The following FAM81A variants were observed in gnomAD, a reference collection of about 807,000 sequenced individuals.
FAM81A encodes the protein family with sequence similarity 81 member A, also known as protein FAM81A.
A neutral mutation model predicts 46.7 loss-of-function variants in FAM81A; 19 were observed. The observed-to-expected ratio is 0.41, with a 90% CI of 0.28 to 0.60. FAM81A has a LOEUF of 0.60. Ranked by LOEUF, FAM81A falls within the 20% of genes least tolerant of loss-of-function variation. The probability of loss-of-function intolerance (pLI) is 0.34; values close to 1 mark genes in which losing one functional copy is unlikely to be tolerated. For missense variants in FAM81A, 377 were observed against 453.5 expected (o/e 0.83, Z 1.53); for synonymous variants, 183 against 152.9 (o/e 1.20, Z -1.45).
chr15:59,412,775 G>A (rs1004253235), intron 2 of FAM81A, among the ~76,000 whole-genome samples: 1 of 151,692 alleles, frequency 6.6e-6, no homozygotes, highest in East Asian at 1.9e-4. Context: ...TGTCTCTGCT[G>A]CCATCTGCTG....
chr15:59,424,888 G>T (rs4533211), intron 2 of FAM81A, among the ~76,000 whole-genome samples: 31,257 of 151,870 alleles, frequency 0.21, 4,253 homozygotes, highest in East Asian at 0.42. Flanking sequence ...CTCGTAATTC[G>T]TTCTCAAAAC....
chr15:59,458,774 C>A (rs2081514665), intron 2 of FAM81A, 128 bp downstream of exon 2: 1 of 837,528 alleles, frequency 1.2e-6, no homozygotes, highest in Non-Finnish European at 2.0e-6. Context: ...CTATTGTGTC[C>A]TCTAGCTTTC....
intron 1 of FAM81A, 76 bp from the exon 2 acceptor site, chr15:59,458,474 C>G (rs1419709538): frequency 2.1e-6 from 2 of 947,494 alleles, no homozygotes; most frequent in African/African-American, 1.7e-5. Context: ...ATCCACTTAG[C>G]AACTTAATAA....
At chr15:59,422,833 A>G (rs1450355257) in intron 2 of FAM81A, among the ~76,000 whole-genome samples, 1 of 152,218 alleles carries the variant, frequency 6.6e-6, no homozygotes, top group Non-Finnish European at 1.5e-5. Context: ...CATGAAAGTA[A>G]AGTTAAAGAT....
At chr15:59,447,099 C>G (rs1215132950) in intron 1 of FAM81A, among the ~76,000 whole-genome samples, 1 of 152,182 alleles carries the variant, frequency 6.6e-6, no homozygotes, top group African/African-American at 2.4e-5. Context: ...CCCAGTGCCA[C>G]TATTTACATT....
chr15:59,489,298 C>CATACATAT (rs1555432337), intron 3 of FAM81A, among the ~76,000 whole-genome samples: 23 of 150,588 alleles, frequency 1.5e-4, no homozygotes, highest in African/African-American at 4.9e-4. Context: ...TACATACATA[C>CATACATAT]ATACATACAT....
chr15:59,447,339 G>A (rs548903516), intron 1 of FAM81A, among the ~76,000 whole-genome samples: 46 of 152,246 alleles, frequency 3.0e-4, no homozygotes, highest in African/African-American at 1.1e-3. Context: ...GTAAGACCTC[G>A]ATGACTTACC....
At chr15:59,425,606 C>A (rs979300766) in intron 2 of FAM81A, among the ~76,000 whole-genome samples, 1 of 151,938 alleles carries the variant, frequency 6.6e-6, no homozygotes, top group African/African-American at 2.4e-5. Context: ...ATAGGCTTTG[C>A]CTTGGCTATT....
At chr15:59,436,845 C>G (rs1200565393), upstream of FAM81A, among the ~76,000 whole-genome samples, 1 of 152,324 alleles carries the variant, frequency 6.6e-6, no homozygotes, top group East Asian at 1.9e-4. Context: ...GGCCATTACT[C>G]TCCTGGTCAC....
chr15:59,404,838 C>G (rs920548461), intron 2 of FAM81A, among the ~76,000 whole-genome samples: 5 of 152,232 alleles, frequency 3.3e-5, no homozygotes, highest in African/African-American at 1.2e-4. Flanking sequence ...GGCTTTTCAA[C>G]ACATCTGAAA....
At chr15:59,501,743 A>C (rs1221753469) in intron 4 of FAM81A, among the ~76,000 whole-genome samples, 1 of 152,194 alleles carries the variant, frequency 6.6e-6, no homozygotes, top group Non-Finnish European at 1.5e-5. Flanking sequence ...TCTGGGAGGT[A>C]ACAGCTGTCT....
intron 1 of FAM81A, among the ~76,000 whole-genome samples, chr15:59,447,326 C>G (rs1281988281): frequency 1.3e-5 from 2 of 152,114 alleles, no homozygotes; most frequent in East Asian, 3.8e-4. Context: ...TCTTAGAGAC[C>G]GTGTAAGACC....
chr15:59,475,751 A>T (rs1353553591), intron 3 of FAM81A, among the ~76,000 whole-genome samples: 1 of 152,220 alleles, frequency 6.6e-6, no homozygotes, highest in African/African-American at 2.4e-5. Flanking sequence ...AACAACAAGG[A>T]AGTTTAAAAA....
At chr15:59,487,021 A>C (rs1348665917) in intron 3 of FAM81A, among the ~76,000 whole-genome samples, 1 of 151,864 alleles carries the variant, frequency 6.6e-6, no homozygotes, top group Non-Finnish European at 1.5e-5. Flanking sequence ...TATGTAAACT[A>C]TTCCTTATCT....
chr15:59,408,314 G>A (rs1402635344), intron 2 of FAM81A, among the ~76,000 whole-genome samples: 3 of 152,148 alleles, frequency 2.0e-5, no homozygotes, highest in African/African-American at 7.2e-5. Context: ...TGTTGTTGTT[G>A]TTGTTTTACT....
At chr15:59,455,060 G>A (rs1217989320) in intron 1 of FAM81A, among the ~76,000 whole-genome samples, 1 of 146,334 alleles carries the variant, frequency 6.8e-6, no homozygotes, top group Non-Finnish European at 1.5e-5. Flanking sequence ...ACCACACCTG[G>A]CTAACTTTTT....
At chr15:59,421,229 G>A (rs1333616209) in intron 2 of FAM81A, among the ~76,000 whole-genome samples, 3 of 152,138 alleles carry the variant, frequency 2.0e-5, no homozygotes, top group Non-Finnish European at 4.4e-5. Flanking sequence ...ACACTTCGAC[G>A]GGCAATGTTC....
chr15:59,419,564 T>C (rs1301991216), intron 2 of FAM81A, among the ~76,000 whole-genome samples: 9 of 150,004 alleles, frequency 6.0e-5, no homozygotes, highest in Non-Finnish European at 1.3e-4. Flanking sequence ...AATGGTTTCC[T>C]GTGTTTGAAT....
At chr15:59,421,917 A>G (rs1271178906) in intron 2 of FAM81A, among the ~76,000 whole-genome samples, 5 of 133,176 alleles carry the variant, frequency 3.8e-5, no homozygotes, top group Non-Finnish European at 8.1e-5. Context: ...CTATCTATCT[A>G]TCTATCATCT....
Sources: allele counts gnomAD v4.1 joint callset (sites outside exome capture counted in the v4.1 genomes callset), GRCh38; gene constraint gnomAD v4.1.1; transcripts MANE v1.5; gene names NCBI Gene and HGNC (gene_info 2026-07-23, HGNC 2026-07-21).